Variants in RAPGEF6 observed in about 807,000 individuals in gnomAD.
The protein encoded by RAPGEF6 is Rap guanine nucleotide exchange factor 6.
In RAPGEF6, 56 loss-of-function variants were observed where a neutral mutation model predicts 171.4. The observed-to-expected ratio is 0.33, with a 90% CI of 0.26 to 0.41. The LOEUF (loss-of-function observed/expected upper bound fraction) is 0.41. Ranked by LOEUF, RAPGEF6 falls within the 10% of genes least tolerant of loss-of-function variation. RAPGEF6 has a pLI of 1.00. For missense variants in RAPGEF6, 1,674 were observed against 1,921.4 expected, an observed-to-expected ratio of 0.87 and a Z score of 2.41; for synonymous variants, 692 against 650.1, an observed-to-expected ratio of 1.06 and a Z score of -0.98.
chr5:131,544,577 A>G (rs2149944090), intron 6 of RAPGEF6, among the ~76,000 whole-genome samples: 1 of 152,348 alleles, frequency 6.6e-6, no homozygotes, highest in East Asian at 1.9e-4. Flanking sequence ...ACAATGGGAG[A>G]CGACAAAACT....
intron 7 of RAPGEF6, among the ~76,000 whole-genome samples, chr5:131,516,527 C>G (rs1758095714): frequency 6.6e-6 from 1 of 152,110 alleles, no homozygotes; most frequent in African/African-American, 2.4e-5. Flanking sequence ...TTTTTAAGAA[C>G]ACGCTTACTG....
chr5:131,534,645 T>G lies in RAPGEF6; in HGVS notation c.496-13124A>C, dbSNP rs187061897. ...CAGTTTAATTTAAATCAATCATACG[T>G]GAGTTGGAATTCCACTTGATACTTA... is the stretch of plus-strand genomic sequence containing the variant. On this transcript the variant is annotated intron_variant, in intron 6 of 27. Transcript: ENST00000509018. Among the ~76,000 whole-genome samples, 3 of 150,216 alleles carry G rather than the reference T, an allele frequency of 2.0e-5. No homozygotes were observed. In the East Asian group the frequency reaches 5.9e-4, roughly 29 times the overall value.
intron 22 of RAPGEF6, 87 bp from the exon 23 acceptor site, chr5:131,442,624 C>T: frequency 6.6e-7 from 1 of 1,508,510 alleles, no homozygotes; most frequent in Non-Finnish European, 8.8e-7. Flanking sequence ...ACTTTAAAAC[C>T]ATCTATTTTT....
chr5:131,561,880 C>G (rs1029541621), intron 5 of RAPGEF6, 98 bp downstream of exon 5: 2 of 864,486 alleles, frequency 2.3e-6, no homozygotes, highest in Non-Finnish European at 3.7e-6. Context: ...TCTAAAAGGT[C>G]ATAGTAATAA....
intron 6 of RAPGEF6, among the ~76,000 whole-genome samples, chr5:131,536,140 G>A (rs905214397): frequency 6.6e-6 from 1 of 152,084 alleles, no homozygotes; most frequent in African/African-American, 2.4e-5. Flanking sequence ...ATTCATTTCT[G>A]TATTTTAGTT....
chr5:131,536,279 A>T (rs1376590203), intron 6 of RAPGEF6, among the ~76,000 whole-genome samples: 1 of 152,194 alleles, frequency 6.6e-6, no homozygotes, highest in Non-Finnish European at 1.5e-5. Context: ...CTTTCAAAGG[A>T]TCATAACAAT....
rs1188055860 is a variant in RAPGEF6, at chr5:131,426,509, C to G, written c.*757G>C. ...ATTCTGTGGAAATTAGGGTTCCCAC[C>G]CTCCTCCCCAAACTACTCCCTCCCA... On this transcript the variant is annotated 3_prime_UTR_variant, in exon 28 of 28. Coordinates refer to ENST00000509018, the MANE Select transcript of RAPGEF6 (RefSeq NM_016340.6). 6.6e-6 allele frequency: 1 copy of G among 152,264 alleles called. No individual in the cohort carries two copies. Among genetic ancestry groups the G allele is most frequent in the Non-Finnish European group, 1.5e-5 (1 of 68,018 alleles). The allele number at this position is 152,264 out of a possible 1,614,324, so 9.4% of individuals were successfully genotyped here.
At chr5:131,490,085 G>T (rs1756180952) in intron 14 of RAPGEF6, among the ~76,000 whole-genome samples, 1 of 152,082 alleles carries the variant, frequency 6.6e-6, no homozygotes, top group Non-Finnish European at 1.5e-5. Context: ...TATTTAATAT[G>T]ATTTTCTGCC....
At chr5:131,445,935 A>C (rs577197203) in intron 22 of RAPGEF6, among the ~76,000 whole-genome samples, 172 of 152,248 alleles carry the variant, frequency 1.1e-3, no homozygotes, top group African/African-American at 4.0e-3. Context: ...TCCTTGATCC[A>C]AATATATATG....
intron 7 of RAPGEF6, among the ~76,000 whole-genome samples, chr5:131,510,953 T>C (rs1757676289): frequency 6.6e-6 from 1 of 152,178 alleles, no homozygotes; most frequent in Non-Finnish European, 1.5e-5. Context: ...GGTAATCATA[T>C]AAATTAAGAA....
rs550551988 is a variant in RAPGEF6, at chr5:131,429,987, T to C, written c.4466-771A>G. ...ATTGCTTGAACCTGGCAGGCGAAGG[T>C]TGCAGTGAGCCGAGGTCATGCCACT... On this transcript the variant is annotated intron_variant, in intron 26 of 27. Coordinates refer to ENST00000509018, the MANE Select transcript of RAPGEF6 (RefSeq NM_016340.6). Among the ~76,000 whole-genome samples, 33 of 151,432 alleles carry C rather than the reference T, an allele frequency of 2.2e-4. No homozygotes were observed. The South Asian group carries it at 6.3e-3, about 29-fold the overall frequency.
intron 6 of RAPGEF6, among the ~76,000 whole-genome samples, chr5:131,528,338 T>TATAC (rs1180347219): frequency 6.8e-4 from 18 of 26,308 alleles, no homozygotes; most frequent in Non-Finnish European, 2.7e-3. Flanking sequence ...TATATATATA[T>TATAC]ACACACACAC....
At chr5:131,624,392 T>G (rs1415952961) in intron 1 of RAPGEF6, among the ~76,000 whole-genome samples, 1 of 152,096 alleles carries the variant, frequency 6.6e-6, no homozygotes, top group African/African-American at 2.4e-5. Context: ...GGATAGATAA[T>G]CAGATGACTA....
chr5:131,472,493 TG>T, intron 17 of RAPGEF6, 93 bp downstream of exon 17: 2 of 1,368,960 alleles, frequency 1.5e-6, no homozygotes, highest in Non-Finnish European at 2.1e-6. Context: ...TTAAGAGGGC[TG>T]CAAGTAACTC....
At chr5:131,623,140 CA>C (rs1195554264) in intron 1 of RAPGEF6, among the ~76,000 whole-genome samples, 1 of 152,146 alleles carries the variant, frequency 6.6e-6, no homozygotes, top group African/African-American at 2.4e-5. Flanking sequence ...AAAATTTGCC[CA>C]GACGTTTTGA....
intron 25 of RAPGEF6, among the ~76,000 whole-genome samples, chr5:131,432,797 A>C (rs1751789222): frequency 6.6e-6 from 1 of 151,958 alleles, no homozygotes; most frequent in Non-Finnish European, 1.5e-5. Context: ...ACATTTGCTG[A>C]CCTCTGGTGT....
chr5:131,431,071 G>C lies in RAPGEF6; in HGVS notation c.4253C>G (p.Ser1418Cys). 3 of 1,614,192 alleles carry C rather than the reference G, an allele frequency of 1.9e-6. No homozygotes were observed. The highest frequency in any genetic ancestry group is 2.5e-6 in the Non-Finnish European group (3 of 1,180,024). The change falls in exon 26 of 28, where the codon TCT (serine) becomes TGT (cysteine). Residue 1418 changes from serine (S) to cysteine (C), a missense_variant. By Grantham distance (112) the Ser-to-Cys change is moderately radical. This residue lies in a region of RAPGEF6 where 552 missense variants were observed against 574.2 expected (regional missense o/e 0.96). Transcript: ENST00000509018. ...SEPYSCSKSC[S>C]RTCGQCKGSL... ...TCCTTTACACTGCCCACAAGTTCTA[G>C]AGCAGCTTTTAGAACAGGAATAGGG...
intron 24 of RAPGEF6, among the ~76,000 whole-genome samples, chr5:131,435,411 G>C (rs1011738550): frequency 2.0e-5 from 3 of 152,100 alleles, no homozygotes; most frequent in Admixed American, 6.6e-5. Flanking sequence ...AAAAGAAAAA[G>C]TCATTGCTCT....
intron 4 of RAPGEF6, among the ~76,000 whole-genome samples, chr5:131,572,434 A>G (rs1393799241): frequency 1.3e-5 from 2 of 152,052 alleles, no homozygotes; most frequent in Non-Finnish European, 2.9e-5. Flanking sequence ...AAGGAGACAC[A>G]CTTTATCTGA....
Sources: gnomAD v4.1 joint callset for allele counts (sites outside exome capture counted in the v4.1 genomes callset) on GRCh38, gnomAD v4.1.1 for gene constraint, gnomAD v4.1.1 regional missense constraint, MANE v1.5 for transcripts, NCBI Gene and HGNC (gene_info 2026-07-23, HGNC 2026-07-21) for gene names.